Variants in CHST8 observed in about 807,000 individuals in gnomAD.
CHST8 encodes the protein carbohydrate sulfotransferase 8, also known as GALNAC-4-ST1.
CHST8 carries 10 observed loss-of-function variants against 15.0 expected under a neutral mutation model. The observed-to-expected ratio is 0.67, with a 90% CI of 0.41 to 1.13. The LOEUF (loss-of-function observed/expected upper bound fraction) is 1.13, where lower values mean the gene tolerates loss of function less well. Ranked by LOEUF, CHST8 falls within the 50% of genes most tolerant of loss-of-function variation. CHST8 has a pLI of 0.00. For missense variants in CHST8, 634 were observed against 608.2 expected, an observed-to-expected ratio of 1.04 and a Z score of -0.45; for synonymous variants, 259 against 256.6, an observed-to-expected ratio of 1.01 and a Z score of -0.09.
At chr19:33,667,610 A>G (rs750324131) in intron 1 of CHST8, among the ~76,000 whole-genome samples, 157 bp from the exon 2 acceptor site, 1 of 152,056 alleles carries the variant, frequency 6.6e-6, no homozygotes, top group Admixed American at 6.5e-5. Flanking sequence ...CTTTTCCTCC[A>G]TTGAGCGAAT....
At chr19:33,695,237 C>T (rs965326122) in intron 3 of CHST8, among the ~76,000 whole-genome samples, 1 of 152,138 alleles carries the variant, frequency 6.6e-6, no homozygotes, top group African/African-American at 2.4e-5. Flanking sequence ...TGAGCCACCA[C>T]AACTGGCTAG....
intron 1 of CHST8, among the ~76,000 whole-genome samples, chr19:33,632,983 A>G (rs1336787847): frequency 6.6e-6 from 1 of 151,782 alleles, no homozygotes; most frequent in African/African-American, 2.4e-5. Flanking sequence ...GACACGCACC[A>G]CCACACCCAG....
At chr19:33,727,631 T>C (rs1308045324) in intron 3 of CHST8, among the ~76,000 whole-genome samples, 3 of 152,328 alleles carry the variant, frequency 2.0e-5, no homozygotes, top group Non-Finnish European at 2.9e-5. Flanking sequence ...GTTGGGAATC[T>C]GGCCATTTGC....
intron 3 of CHST8, among the ~76,000 whole-genome samples, chr19:33,710,662 G>T (rs569329390): frequency 1.5e-3 from 231 of 152,116 alleles, no homozygotes; most frequent in Non-Finnish European, 2.2e-3. Context: ...TAAGATTTTT[G>T]AATTATTTTC....
rs1212181161 is a variant in CHST8 at position 33,757,525 on chromosome 19, A to AG, written c.131-13888_131-13887insG. On this transcript the variant is annotated intron_variant, in intron 3 of 4. Coordinates refer to ENST00000650847, the MANE Select transcript of CHST8 (RefSeq NM_001127895.2). Reference sequence around the variant, plus strand: ...AAGAAAGAAAGAAAGAAAGAAAGAGAAAGAAAGAAAGAAAGAAAGAAAGAA... The same window carrying AG: ...AAGAAAGAAAGAAAGAAAGAAAGAGAGAAGAAAGAAAGAAAGAAAGAAAGAA... Among the ~76,000 whole-genome samples, 26 of 26,100 alleles carry AG rather than the reference A, an allele frequency of 1.0e-3. 5 individuals are homozygous for AG. Among genetic ancestry groups the AG allele is most frequent in the South Asian group, 2.5e-3 (2 of 806 alleles). The allele number at this position is 26,100 out of a possible 152,430, so 17.1% of individuals were successfully genotyped here. A position where few individuals can be genotyped will look rare whatever the true frequency, so the allele number is the denominator to read the frequency against.
intron 3 of CHST8, among the ~76,000 whole-genome samples, chr19:33,728,170 C>T (rs546935393): frequency 6.6e-6 from 1 of 152,382 alleles, no homozygotes; most frequent in Non-Finnish European, 1.5e-5. Context: ...TTTCAGACTA[C>T]TCAGTTACTC....
intron 3 of CHST8, among the ~76,000 whole-genome samples, chr19:33,712,102 T>G (rs936634744): frequency 6.6e-6 from 1 of 152,172 alleles, no homozygotes; most frequent in Non-Finnish European, 1.5e-5. Flanking sequence ...AAAAACCAAC[T>G]TTGGACTTTA....
At chr19:33,707,668 A>G (rs1316203957) in intron 3 of CHST8, among the ~76,000 whole-genome samples, 1 of 152,232 alleles carries the variant, frequency 6.6e-6, no homozygotes, top group African/African-American at 2.4e-5. Context: ...GCTGCTGGAT[A>G]CGGGATTGTT....
intron 1 of CHST8, among the ~76,000 whole-genome samples, chr19:33,631,334 G>A (rs1377117420): frequency 6.6e-6 from 1 of 152,168 alleles, no homozygotes. Flanking sequence ...CAGCTTTCGT[G>A]TGTCTGTTTG....
At chr19:33,764,685 C>T (rs116841290) in intron 3 of CHST8, among the ~76,000 whole-genome samples, 3,058 of 152,154 alleles carry the variant, frequency 0.02, 43 homozygotes, top group Non-Finnish European at 0.035. Flanking sequence ...TAGAGTGGGC[C>T]CTTTTTAAAA....
chr19:33,621,984 C>T lies in CHST8; in HGVS notation c.-476C>T. The T allele has an allele frequency of 6.6e-6, 1 of 152,028 alleles. No homozygotes were observed. Among genetic ancestry groups the T allele is most frequent in the Non-Finnish European group, 1.5e-5 (1 of 68,008 alleles). 9.4% of individuals were successfully genotyped at this position (152,028 alleles called of 1,614,324 possible). On this transcript the variant is annotated 5_prime_UTR_variant, in exon 1 of 5. Coordinates refer to ENST00000650847, the MANE Select transcript of CHST8 (RefSeq NM_001127895.2). ...CTGGGAGCCTTCCCGGCGCGCAAGCCGGATCCGGCAGTGCTGCGGGGAGGA... is the reference window on the plus strand; with the variant it reads ...CTGGGAGCCTTCCCGGCGCGCAAGCTGGATCCGGCAGTGCTGCGGGGAGGA...
chr19:33,652,372 CTTTTTTTTTTTT>C lies in CHST8; in HGVS notation c.-163-15385_-163-15374del, dbSNP rs971053736. ...ACTGGTTTATTTATATTTTCTCTCT[CTTTTTTTTTTTT>C]TTTTTTTTTGAGACAGCTTCTTGCT... is the stretch of plus-strand genomic sequence containing the variant. On this transcript the variant is annotated intron_variant, in intron 1 of 4. Coordinates refer to ENST00000650847, the MANE Select transcript of CHST8 (RefSeq NM_001127895.2). 8.8e-4 allele frequency among the ~76,000 whole-genome samples: 88 copies of C among 100,570 alleles called. 2 individuals are homozygous for C. The highest frequency in any genetic ancestry group is 2.8e-3 in the Admixed American group (22 of 7,930). 66.0% of individuals were successfully genotyped at this position (100,570 alleles called of 152,430 possible). A position where few individuals can be genotyped will look rare whatever the true frequency, so the allele number is the denominator to read the frequency against.
At chr19:33,638,540 A>G (rs1006098229) in intron 1 of CHST8, among the ~76,000 whole-genome samples, 1 of 152,182 alleles carries the variant, frequency 6.6e-6, no homozygotes, top group African/African-American at 2.4e-5. Context: ...ACAGTGCACA[A>G]CAGCCACCCC....
At position 33,694,958 on chromosome 19, in the gene CHST8, C is replaced by T. The variant is rs144107286; in HGVS notation, c.130+5567C>T. On this transcript the variant is annotated intron_variant, in intron 3 of 4. Transcript: ENST00000650847. ...CTCCCCTCCCTTCCCCTTCTGTTCC[C>T]TTCCCTTCCCTTCTTGAGGCAGGGT... 4.6e-3 allele frequency among the ~76,000 whole-genome samples: 682 copies of T among 148,276 alleles called. 4 individuals carry two copies. Among genetic ancestry groups the T allele is most frequent in the South Asian group, 0.011 (51 of 4,510 alleles).
intron 1 of CHST8, among the ~76,000 whole-genome samples, chr19:33,665,058 G>A (rs1044285192): frequency 6.6e-6 from 1 of 152,168 alleles, no homozygotes; most frequent in Non-Finnish European, 1.5e-5. Context: ...CGCAATAAAC[G>A]TGGGAGTGTA....
chr19:33,700,324 G>C (rs1408816289), intron 3 of CHST8, among the ~76,000 whole-genome samples: 1 of 152,250 alleles, frequency 6.6e-6, no homozygotes, highest in Non-Finnish European at 1.5e-5. Flanking sequence ...ATCCTGTTAA[G>C]TAGCTGGCAA....
At chr19:33,643,255 T>G (rs1325987235) in intron 1 of CHST8, among the ~76,000 whole-genome samples, 1 of 152,242 alleles carries the variant, frequency 6.6e-6, no homozygotes, top group East Asian at 1.9e-4. Context: ...TTTTATTTTT[T>G]AAATCTGTGT....
rs59696365 is a variant in CHST8, at chr19:33,660,464, C to T, written c.-163-7303C>T. ...GGGCAGGACTCGTTTCTGGTCACAA[C>T]CTTGCTGACCAAAACAAGATCTGGT... On this transcript the variant is annotated intron_variant, in intron 1 of 4. Coordinates refer to ENST00000650847, the MANE Select transcript of CHST8 (RefSeq NM_001127895.2). Among the ~76,000 whole-genome samples, 1,342 of 152,260 alleles carry T rather than the reference C, an allele frequency of 8.8e-3. 13 individuals carry two copies. Among genetic ancestry groups the T allele is most frequent in the African/African-American group, 0.03 (1,258 of 41,544 alleles).
chr19:33,680,108 T>C (rs1394019000), intron 2 of CHST8, among the ~76,000 whole-genome samples: 22 of 152,154 alleles, frequency 1.4e-4, no homozygotes, highest in Admixed American at 1.4e-3. Flanking sequence ...TTAATAAACA[T>C]TGTGCACCCC....
Sources: gnomAD v4.1 joint callset for allele counts (sites outside exome capture counted in the v4.1 genomes callset) on GRCh38, gnomAD v4.1.1 for gene constraint, MANE v1.5 for transcripts, NCBI Gene and HGNC (gene_info 2026-07-23, HGNC 2026-07-21) for gene names.